The following VPS9D1 variants were observed in gnomAD, a reference collection of about 807,000 sequenced individuals.
VPS9D1 encodes VPS9 domain containing 1, also known as VPS9 domain-containing protein 1.
A neutral mutation model predicts 75.8 loss-of-function variants in VPS9D1; 78 were observed. The ratio of observed to expected loss-of-function variants is 1.03; its 90% CI spans 0.86 to 1.24. VPS9D1 has a LOEUF of 1.24. Ranked by LOEUF, VPS9D1 falls within the 50% of genes most tolerant of loss-of-function variation. VPS9D1 has a pLI of 0.00. For synonymous variants in VPS9D1, 481 were observed against 385.6 expected, an observed-to-expected ratio of 1.25 and a Z score of -2.90; for missense variants, 1,057 against 847.7, an observed-to-expected ratio of 1.25 and a Z score of -3.07.
In VPS9D1 at chr16:89,708,457, C is replaced by G. The variant is rs1465115343; in HGVS notation, c.1772G>C (p.Cys591Ser). The change falls in exon 14 of 15, where the codon TGC becomes TCC. Residue 591 changes from cysteine to serine, a missense_variant. Coordinates refer to ENST00000389386, the MANE Select transcript of VPS9D1 (RefSeq NM_004913.3). ...RSGLPQLVSE[C>S]AALEEFIHEG... is the part of the protein sequence containing the mutation. ...GTGGATGAACTCCTCCAGGGCCGCG[C>G]ACTCCGACACCAGCTGAGGGAGGCC... 1.2e-6 allele frequency: 2 copies of G among 1,612,868 alleles called. No individual in the cohort carries two copies. Among genetic ancestry groups the G allele is most frequent in the East Asian group, 4.5e-5 (2 of 44,882 alleles).
chr16:89,708,074 G>A (rs1029535446), intron 14 of VPS9D1, 120 bp from the exon 15 acceptor site: 44 of 928,802 alleles, frequency 4.7e-5, no homozygotes, highest in Non-Finnish European at 7.1e-5. Flanking sequence ...TGGGCAGGTG[G>A]GGCTGTCAGG....
At chr16:89,708,606 A>G in intron 13 of VPS9D1, 75 bp from the exon 14 acceptor site, 1 of 1,474,240 alleles carries the variant, frequency 6.8e-7, no homozygotes. Context: ...CTGTGGAGCC[A>G]TCCTGGCCGT....
intron 10 of VPS9D1, 134 bp downstream of exon 10, chr16:89,710,452 G>A (rs1244132536): frequency 1.0e-5 from 10 of 961,546 alleles, no homozygotes; most frequent in African/African-American, 3.3e-5. Flanking sequence ...GAAGGGCTGA[G>A]GCGTGAGCTG....
At chr16:89,718,726 T>G (rs2061155330) in intron 2 of VPS9D1, among the ~76,000 whole-genome samples, 1 of 151,860 alleles carries the variant, frequency 6.6e-6, no homozygotes, top group Non-Finnish European at 1.5e-5. Flanking sequence ...TTTCTTTTTT[T>G]TTTTTTTGAG....
intron 10 of VPS9D1, among the ~76,000 whole-genome samples, chr16:89,710,138 C>T (rs1321780193): frequency 6.6e-6 from 1 of 152,216 alleles, no homozygotes; most frequent in East Asian, 1.9e-4. Flanking sequence ...GGAGAATGAT[C>T]CTTTTCTCAA....
rs1370078437 is a variant in VPS9D1, at chr16:89,707,199, C to T, written c.*662G>A. The T allele has an allele frequency of 6.6e-6, 1 of 152,444 alleles. No homozygotes were observed. The highest frequency in any genetic ancestry group is 1.5e-5 in the Non-Finnish European group (1 of 68,200). 9.4% of individuals were successfully genotyped at this position (152,444 alleles called of 1,614,324 possible). ...CATGTGACAGTCAAGAGGGCTGACCCTTGGGCTGCACGGACCTAGATAAGA... is the reference window on the plus strand; with the variant it reads ...CATGTGACAGTCAAGAGGGCTGACCTTTGGGCTGCACGGACCTAGATAAGA... On this transcript the variant is annotated 3_prime_UTR_variant, in exon 15 of 15. Coordinates refer to ENST00000389386, the MANE Select transcript of VPS9D1 (RefSeq NM_004913.3).
At chr16:89,716,982 C>G in intron 2 of VPS9D1, 160 bp from the exon 3 acceptor site, 3 of 535,570 alleles carry the variant, frequency 5.6e-6, no homozygotes, top group Non-Finnish European at 8.9e-6. Context: ...CCTCACTGAC[C>G]CTGGGCAAGC....
At chr16:89,716,384 C>T (rs1229030569) in intron 4 of VPS9D1, 78 bp downstream of exon 4, 12 of 1,574,948 alleles carry the variant, frequency 7.6e-6, no homozygotes, top group Middle Eastern at 1.8e-4. Flanking sequence ...AAAAAAAAAT[C>T]GCTGTCATCA....
At chr16:89,719,320 G>C (rs140037953) in intron 1 of VPS9D1, 4 of 629,882 alleles carry the variant, frequency 6.4e-6, no homozygotes, top group Admixed American at 4.2e-5. Flanking sequence ...ACTTGGAAAA[G>C]ACATCAGGAC....
chr16:89,713,390 G>C (rs1231278766), intron 4 of VPS9D1, among the ~76,000 whole-genome samples: 1 of 151,476 alleles, frequency 6.6e-6, no homozygotes, highest in African/African-American at 2.4e-5. Flanking sequence ...GAGTAGCTGG[G>C]ACTACAGGTG....
intron 4 of VPS9D1, among the ~76,000 whole-genome samples, chr16:89,713,832 C>T (rs2060998187): frequency 6.6e-6 from 1 of 151,696 alleles, no homozygotes; most frequent in African/African-American, 2.4e-5. Context: ...CATGGTGAAA[C>T]CCCGTCTCTA....
rs12920315 is a variant in VPS9D1 at position 89,711,353 on chromosome 16, C to T, written c.807G>A (p.Val269=). The T allele has an allele frequency of 0.57, 922,253 of 1,608,978 alleles. 267,488 individuals are homozygous for T. Among genetic ancestry groups the T allele is most frequent in the South Asian group, 0.76 (68,846 of 90,168 alleles). ...TGAGCAGGTGTGAGACCAGGCTGGT[C>T]ACGAGTGACAGGTCCCCCGGATTCC... ...LKRNPGDLSL[V]TSLVSHLLSL... The change falls in exon 9 of 15, where the codon GTG becomes GTA. Residue 269 remains valine, a synonymous_variant. Transcript: ENST00000389386.
intron 2 of VPS9D1, 123 bp from the exon 3 acceptor site, chr16:89,716,945 C>G: frequency 1.2e-6 from 1 of 843,700 alleles, no homozygotes; most frequent in Non-Finnish European, 1.7e-6. Context: ...CCCACTGACC[C>G]CGGGCAAGCC....
chr16:89,708,593 C>T, intron 13 of VPS9D1, 62 bp from the exon 14 acceptor site: 1 of 1,524,668 alleles, frequency 6.6e-7, no homozygotes, highest in South Asian at 1.2e-5. Context: ...GCAAACCCAG[C>T]AGCTGTGGAG....
chr16:89,716,661 C>T (rs1052620099), intron 3 of VPS9D1, 37 bp from the exon 4 acceptor site: 4 of 1,606,098 alleles, frequency 2.5e-6, no homozygotes, highest in African/African-American at 2.7e-5. Context: ...AAGCGGTGGG[C>T]CACATCCCAC....
Position 89,719,163 on chromosome 16 carries a change from C to A in VPS9D1, c.100-61G>T, listed in dbSNP as rs2061169678. 2.0e-6 allele frequency: 3 copies of A among 1,506,854 alleles called. No homozygotes were observed. In the South Asian group the frequency reaches 3.4e-5, roughly 17 times the overall value. 93.3% of individuals were successfully genotyped at this position (1,506,854 alleles called of 1,614,324 possible). The stretch of plus-strand genomic sequence containing the variant: ...AGTGGAGGGAAGTGACTCCATTATT[C>A]CGGCCAGGTGCCCTTGTGGGATAAG... On this transcript the variant is annotated intron_variant, in intron 1 of 14. Transcript: ENST00000389386.
rs1251759472 is a variant in VPS9D1 at position 89,712,612 on chromosome 16, G to A, written c.536C>T (p.Thr179Ile). The change falls in exon 5 of 15, where the codon ACA (threonine) becomes ATA (isoleucine). Residue 179 changes from threonine to isoleucine, a missense_variant. Thr to Ile is a moderately conservative substitution (Grantham distance 89, BLOSUM62 -1). Transcript: ENST00000389386. ...TCCCTAGCCCCCACTCACCAGGGAT[G>A]TCTTCTGCATGGCCTGGCTGGGGTC... ...RLDPSQAMQK[T>I]SLTLSLQRQM... The A allele has an allele frequency of 6.2e-7, 1 of 1,609,486 alleles. No individual in the cohort carries two copies. Among genetic ancestry groups the A allele is most frequent in the East Asian group, 2.2e-5 (1 of 44,808 alleles).
chr16:89,717,485 C>T (rs1040834101), intron 2 of VPS9D1: 7 of 446,282 alleles, frequency 1.6e-5, no homozygotes, highest in African/African-American at 8.0e-5. Flanking sequence ...GACCTGCTCA[C>T]ACAGCCCTTC....
Position 89,716,433 on chromosome 16 carries a change from C to A in VPS9D1, c.431+29G>T, listed in dbSNP as rs377101177. On this transcript the variant is annotated intron_variant, in intron 4 of 14. Coordinates refer to ENST00000389386, the MANE Select transcript of VPS9D1 (RefSeq NM_004913.3). ...AGCCTCAAAAACCCAATCCCAGGCT[C>A]ATCCCACCTCCCATCTTGTCCATCT... The A allele has an allele frequency of 4.9e-4, 793 of 1,612,882 alleles. 2 individuals are homozygous for A. Among genetic ancestry groups the A allele is most frequent in the Non-Finnish European group, 5.4e-4 (642 of 1,179,722 alleles).
Sources: gnomAD v4.1 joint callset for allele counts (sites outside exome capture counted in the v4.1 genomes callset) on GRCh38, gnomAD v4.1.1 for gene constraint, MANE v1.5 for transcripts, NCBI Gene and HGNC (gene_info 2026-07-23, HGNC 2026-07-21) for gene names.